The following NRXN3 variants were observed in gnomAD, a reference collection of about 807,000 sequenced individuals.
The protein encoded by NRXN3 is neurexin 3, also known as neurexin III.
Under a neutral mutation model 137.6 loss-of-function variants are expected in NRXN3, and 32 were observed. The observed-to-expected ratio is 0.23, with a 90% CI of 0.18 to 0.31. The LOEUF is 0.31. NRXN3 is among the 10% of genes least tolerant of loss of function. The pLI is 1.00. For synonymous variants in NRXN3, 798 were observed against 784.5 expected, an observed-to-expected ratio of 1.02 and a Z score of -0.29; for missense variants, 1,574 against 2,062.5, an observed-to-expected ratio of 0.76 and a Z score of 4.59.
At chr14:78,598,439 C>A (rs1056766809) in intron 4 of NRXN3, among the ~76,000 whole-genome samples, 2 of 151,910 alleles carry the variant, frequency 1.3e-5, no homozygotes, top group African/African-American at 4.8e-5. Flanking sequence ...ATCTGTAACA[C>A]AGAGGGCCTG....
At chr14:79,403,192 G>T (rs922783817) in intron 15 of NRXN3, among the ~76,000 whole-genome samples, 6 of 152,106 alleles carry the variant, frequency 3.9e-5, no homozygotes, top group African/African-American at 1.4e-4. Flanking sequence ...CTGGGACCCA[G>T]AAAAGGTAAA....
chr14:78,295,955 C>T (rs925347624), intron 3 of NRXN3, among the ~76,000 whole-genome samples: 1 of 152,060 alleles, frequency 6.6e-6, no homozygotes, highest in Non-Finnish European at 1.5e-5. Flanking sequence ...CATCTTTAAT[C>T]TCAGGGGTAA....
chr14:79,760,339 A>C (rs1339163845), intron 19 of NRXN3, among the ~76,000 whole-genome samples: 2 of 151,444 alleles, frequency 1.3e-5, no homozygotes, highest in Non-Finnish European at 2.9e-5. Context: ...TACAAATATC[A>C]GTTATATTCC....
chr14:78,957,828 A>G lies in NRXN3; in HGVS notation c.2395+467A>G, dbSNP rs146526883. On this transcript the variant is annotated intron_variant, in intron 11 of 20. Coordinates refer to ENST00000335750, the MANE Select transcript of NRXN3 (RefSeq NM_001330195.2). ...CATGATACTTAGAAGGTGCTGAATA[A>G]GGTTTGGTTTAATTAATTACTTATT... is the stretch of plus-strand genomic sequence containing the variant. Among the ~76,000 whole-genome samples, 861 of 152,340 alleles carry G rather than the reference A, an allele frequency of 5.7e-3. 8 individuals are homozygous for G. The highest frequency in any genetic ancestry group is 0.019 in the African/African-American group (800 of 41,572).
At chr14:79,716,995 A>G (rs1025135676) in intron 19 of NRXN3, among the ~76,000 whole-genome samples, 45 of 152,252 alleles carry the variant, frequency 3.0e-4, no homozygotes, top group African/African-American at 1.1e-3. Flanking sequence ...GGCAGGGAGC[A>G]TTCCGTTTTC....
intron 15 of NRXN3, among the ~76,000 whole-genome samples, chr14:79,399,562 C>A (rs551731770): frequency 1.8e-4 from 28 of 152,220 alleles, no homozygotes; most frequent in African/African-American, 6.0e-4. Flanking sequence ...TGGTGGGGAA[C>A]AAGCTCATTA....
At chr14:78,877,866 G>A (rs1016524355) in intron 10 of NRXN3, among the ~76,000 whole-genome samples, 7 of 152,114 alleles carry the variant, frequency 4.6e-5, no homozygotes, top group African/African-American at 1.2e-4. Flanking sequence ...TGTTGGATTC[G>A]AGGAATTTAA....
intron 15 of NRXN3, among the ~76,000 whole-genome samples, chr14:79,201,890 G>A (rs982942396): frequency 6.6e-6 from 1 of 152,142 alleles, no homozygotes; most frequent in African/African-American, 2.4e-5. Context: ...CATTAAACAG[G>A]TACTATTACT....
intron 17 of NRXN3, among the ~76,000 whole-genome samples, chr14:79,678,976 T>C (rs1249806860): frequency 6.6e-6 from 1 of 152,180 alleles, no homozygotes; most frequent in African/African-American, 2.4e-5. Flanking sequence ...AGTTTAATTT[T>C]ATTCATCTAA....
At chr14:79,280,743 C>A (rs2081149667) in intron 15 of NRXN3, 1 of 577,554 alleles carries the variant, frequency 1.7e-6, no homozygotes, top group East Asian at 3.0e-5. Context: ...ACAACCATCT[C>A]CACTTTTCTC....
At chr14:79,714,476 C>T (rs1227597063) in intron 19 of NRXN3, among the ~76,000 whole-genome samples, 1 of 152,058 alleles carries the variant, frequency 6.6e-6, no homozygotes, top group African/African-American at 2.4e-5. Flanking sequence ...AACTCACTTC[C>T]AACATCATAC....
intron 4 of NRXN3, among the ~76,000 whole-genome samples, chr14:78,342,244 A>G (rs2082226649): frequency 6.6e-6 from 1 of 152,222 alleles, no homozygotes; most frequent in Non-Finnish European, 1.5e-5. Flanking sequence ...ACTCAAAGGC[A>G]GTTAGAAGAG....
rs528107921 is a variant in NRXN3, at chr14:78,833,647, AT to A, written c.2275+23307del. ...GAGAATATTTGAAAAAGATTCAAAG[AT>A]TTTGAACTATCAGGGTAGAGGGAAA... is the stretch of plus-strand genomic sequence containing the variant. On this transcript the variant is annotated intron_variant, in intron 10 of 20. Transcript: ENST00000335750. 3.8e-3 allele frequency among the ~76,000 whole-genome samples: 577 copies of A among 152,316 alleles called. 4 individuals are homozygous for A. Among genetic ancestry groups the A allele is most frequent in the Middle Eastern group, 0.017 (5 of 294 alleles).
intron 15 of NRXN3, among the ~76,000 whole-genome samples, chr14:79,152,108 T>C (rs1209641489): frequency 2.0e-5 from 3 of 152,040 alleles, no homozygotes; most frequent in Admixed American, 6.6e-5. Flanking sequence ...CTTGCTATAT[T>C]GAACAGTGTT....
At chr14:78,405,683 A>G (rs1463007004) in intron 4 of NRXN3, among the ~76,000 whole-genome samples, 2 of 151,722 alleles carry the variant, frequency 1.3e-5, no homozygotes, top group Non-Finnish European at 2.9e-5. Context: ...AGCCAAGGGG[A>G]TTGTGGACAG....
intron 16 of NRXN3, among the ~76,000 whole-genome samples, chr14:79,477,805 TA>T (rs1168657805): frequency 6.6e-6 from 1 of 151,996 alleles, no homozygotes; most frequent in African/African-American, 2.4e-5. Flanking sequence ...GTAATGAGGA[TA>T]AAACCAAAGA....
intron 20 of NRXN3, among the ~76,000 whole-genome samples, chr14:79,806,978 T>A (rs2099210289): frequency 9.6e-6 from 1 of 104,646 alleles, no homozygotes; most frequent in Non-Finnish European, 2.0e-5. Flanking sequence ...TTTTTTTTTT[T>A]TTTTTTTTTT....
intron 10 of NRXN3, among the ~76,000 whole-genome samples, chr14:78,909,868 TTATC>T (rs546055465): frequency 6.6e-6 from 1 of 151,980 alleles, no homozygotes; most frequent in Non-Finnish European, 1.5e-5. Flanking sequence ...CTCTGTCTGT[TTATC>T]TATCTATTTA....
At chr14:79,163,384 G>A (rs181194494) in intron 15 of NRXN3, among the ~76,000 whole-genome samples, 18 of 152,048 alleles carry the variant, frequency 1.2e-4, no homozygotes, top group African/African-American at 4.3e-4. Context: ...AGGAGAAAAT[G>A]GTGGCTTTTG....
Sources: allele counts gnomAD v4.1 joint callset (sites outside exome capture counted in the v4.1 genomes callset), GRCh38; gene constraint gnomAD v4.1.1; transcripts MANE v1.5; gene names NCBI Gene and HGNC (gene_info 2026-07-23, HGNC 2026-07-21).